Variants in CIMIP6 observed in about 807,000 individuals in gnomAD.
CIMIP6 encodes the protein uncharacterized protein C2orf73.
chr2:54,369,997 C>A, the CIMIP6 span, among the ~76,000 whole-genome samples: 2 of 152,180 alleles, frequency 1.3e-5, no homozygotes, highest in Admixed American at 1.3e-4. Flanking sequence ...GTGGCTCACA[C>A]CTGTAATTCT....
the CIMIP6 span, among the ~76,000 whole-genome samples, chr2:54,342,247 A>C: frequency 6.6e-6 from 1 of 152,124 alleles, no homozygotes; most frequent in African/African-American, 2.4e-5. Flanking sequence ...TTTTCAAGTT[A>C]ACTGTAATTT....
At chr2:54,380,294 C>G in the CIMIP6 span, among the ~76,000 whole-genome samples, 1 of 152,288 alleles carries the variant, frequency 6.6e-6, no homozygotes, top group South Asian at 2.1e-4. Context: ...CTCTTAGACA[C>G]TAATGTATTG....
chr2:54,377,248 A>G, the CIMIP6 span, among the ~76,000 whole-genome samples: 1 of 151,772 alleles, frequency 6.6e-6, no homozygotes, highest in African/African-American at 2.4e-5. Flanking sequence ...TGTAGCTACA[A>G]CTCCCATGGC....
chr2:54,349,154 G>C, the CIMIP6 span, among the ~76,000 whole-genome samples: 1 of 152,066 alleles, frequency 6.6e-6, no homozygotes, highest in South Asian at 2.1e-4. Context: ...TTCTAAAATA[G>C]GTTTTAGTTT....
At chr2:54,334,394 T>C in the CIMIP6 span, among the ~76,000 whole-genome samples, 1 of 152,206 alleles carries the variant, frequency 6.6e-6, no homozygotes, top group Non-Finnish European at 1.5e-5. Context: ...GGTTTATCCT[T>C]GTCCAGATAG....
the CIMIP6 span, among the ~76,000 whole-genome samples, chr2:54,359,426 T>C: frequency 8.5e-5 from 13 of 152,124 alleles, no homozygotes; most frequent in Non-Finnish European, 1.9e-4. Context: ...GAATCAGTCT[T>C]TGGAATTTGG....
the CIMIP6 span, among the ~76,000 whole-genome samples, chr2:54,332,365 T>A: frequency 6.6e-6 from 1 of 152,248 alleles, no homozygotes; most frequent in Admixed American, 6.5e-5. Flanking sequence ...GTAAGCTCTA[T>A]GAGGGCAGGA....
chr2:54,331,091 G>A, the CIMIP6 span: 1 of 1,338,082 alleles, frequency 7.5e-7, no homozygotes, highest in Non-Finnish European at 1.1e-6. Flanking sequence ...GGACAGTCCA[G>A]GCCAAGCTCA....
At chr2:54,368,840 T>C in the CIMIP6 span, among the ~76,000 whole-genome samples, 1 of 152,234 alleles carries the variant, frequency 6.6e-6, no homozygotes, top group Non-Finnish European at 1.5e-5. Flanking sequence ...ACAATTCTGC[T>C]GGGAGAGTAC....
At chr2:54,335,686 T>C in the CIMIP6 span, among the ~76,000 whole-genome samples, 2 of 152,232 alleles carry the variant, frequency 1.3e-5, no homozygotes, top group African/African-American at 4.8e-5. Context: ...TTCCTATTGC[T>C]GATGTTACAA....
At chr2:54,333,803 G>T in the CIMIP6 span, among the ~76,000 whole-genome samples, 2 of 152,134 alleles carry the variant, frequency 1.3e-5, no homozygotes, top group Admixed American at 1.3e-4. Flanking sequence ...TGAGGCAGGA[G>T]AATCACTTGA....
At chr2:54,356,141 G>GT in the CIMIP6 span, among the ~76,000 whole-genome samples, 3 of 89,110 alleles carry the variant, frequency 3.4e-5, no homozygotes, top group African/African-American at 4.4e-5. Context: ...CCCTTAAACT[G>GT]TTAAAAAAAA....
At chr2:54,352,421 TACAG>T in the CIMIP6 span, among the ~76,000 whole-genome samples, 2 of 152,208 alleles carry the variant, frequency 1.3e-5, no homozygotes, top group Non-Finnish European at 2.9e-5. Flanking sequence ...TTGTGATTAT[TACAG>T]ACAGTGTTAA....
the CIMIP6 span, chr2:54,383,311 G>C: frequency 6.6e-6 from 1 of 152,214 alleles, no homozygotes; most frequent in Non-Finnish European, 1.5e-5. Flanking sequence ...AGCTGCTGTT[G>C]AATTCCTGAT....
At chr2:54,378,578 C>T in the CIMIP6 span, among the ~76,000 whole-genome samples, 1 of 152,078 alleles carries the variant, frequency 6.6e-6, no homozygotes. Flanking sequence ...AAGGAAGAAA[C>T]AGAAATGCCC....
chr2:54,372,842 T>C, the CIMIP6 span, among the ~76,000 whole-genome samples: 1 of 152,186 alleles, frequency 6.6e-6, no homozygotes, highest in African/African-American at 2.4e-5. Context: ...GGGTCCTTTA[T>C]TGTACTGCAA....
chr2:54,343,163 G>T, the CIMIP6 span, among the ~76,000 whole-genome samples: 1 of 152,132 alleles, frequency 6.6e-6, no homozygotes, highest in African/African-American at 2.4e-5. Context: ...CAATAAAATA[G>T]AATAGAAAAA....
At chr2:54,343,868 G>A in the CIMIP6 span, 13 of 1,596,954 alleles carry the variant, frequency 8.1e-6, no homozygotes, top group South Asian at 1.3e-4. Context: ...CCTTCTTGTG[G>A]AATAGGTAAG....
At chr2:54,357,903 G>C in the CIMIP6 span, among the ~76,000 whole-genome samples, 1 of 151,884 alleles carries the variant, frequency 6.6e-6, no homozygotes, top group Non-Finnish European at 1.5e-5. Flanking sequence ...ATTTTTTAAG[G>C]GAGAAATTTT....
Sources: allele counts gnomAD v4.1 joint callset (sites outside exome capture counted in the v4.1 genomes callset), GRCh38; gene constraint gnomAD v4.1.1; transcripts MANE v1.5; gene names NCBI Gene and HGNC (gene_info 2026-07-23, HGNC 2026-07-21).